The following ANKIB1 variants were observed in gnomAD, a reference collection of about 807,000 sequenced individuals.
ANKIB1 encodes the protein ankyrin repeat and IBR domain containing 1.
ANKIB1 carries 43 observed loss-of-function variants against 122.1 expected under a neutral mutation model. That is an observed-to-expected ratio of 0.35 (90% confidence interval 0.28 to 0.45). The LOEUF (loss-of-function observed/expected upper bound fraction) is 0.45. ANKIB1 is among the 20% of genes least tolerant of loss of function. The probability of loss-of-function intolerance (pLI) is 1.00; values close to 1 mark genes in which losing one functional copy is unlikely to be tolerated. For missense variants in ANKIB1, 992 were observed against 1,329.5 expected (o/e 0.75, Z 3.95); for synonymous variants, 390 against 442.0 (o/e 0.88, Z 1.48).
chr7:92,387,532 A>G (rs1394134146), intron 12 of ANKIB1, among the ~76,000 whole-genome samples: 2 of 152,054 alleles, frequency 1.3e-5, no homozygotes, highest in Non-Finnish European at 2.9e-5. Context: ...GCTACTCAGG[A>G]GGCTGAGACA....
chr7:92,295,734 A>C (rs895265558), intron 2 of ANKIB1, among the ~76,000 whole-genome samples: 1 of 152,200 alleles, frequency 6.6e-6, no homozygotes, highest in African/African-American at 2.4e-5. Flanking sequence ...CATTTTCTTA[A>C]AACTGAAAAT....
intron 3 of ANKIB1, among the ~76,000 whole-genome samples, chr7:92,311,361 G>A (rs1297382698): frequency 6.6e-6 from 1 of 152,120 alleles, no homozygotes; most frequent in Admixed American, 6.6e-5. Flanking sequence ...GGTTGGAATA[G>A]ATGATCTCAA....
chr7:92,296,799 T>C (rs1802366289), intron 2 of ANKIB1, among the ~76,000 whole-genome samples: 2 of 152,188 alleles, frequency 1.3e-5, no homozygotes, highest in Admixed American at 6.5e-5. Context: ...ATTTTTATTA[T>C]CAGAATTTAT....
chr7:92,292,001 G>A (rs754071535), intron 1 of ANKIB1, among the ~76,000 whole-genome samples: 42 of 152,050 alleles, frequency 2.8e-4, no homozygotes, highest in African/African-American at 9.7e-4. Flanking sequence ...AATTCTTTTC[G>A]CCTGTTTGGT....
Position 92,352,611 on chromosome 7 carries a change from G to A in ANKIB1, c.1366G>A (p.Val456Ile). Reference sequence around the variant, plus strand: ...CTTCCCATTGCTGAGAGCTCCTGCTGTTGATTGTGGAAAAGGACACCTCTT... The same window carrying A: ...CTTCCCATTGCTGAGAGCTCCTGCTATTGATTGTGGAAAAGGACACCTCTT... ...LSFPLLRAPAVDCGKGHLFCW... is the reference protein window; with the variant it reads ...LSFPLLRAPAIDCGKGHLFCW... The change falls in exon 9 of 20, where the codon GTT becomes ATT. Residue 456 changes from valine (V) to isoleucine (I), a missense_variant. Around this residue, in one of 4 missense-constraint regions of ANKIB1, gnomAD observed 521 missense variants for 777.7 expected, o/e 0.67. Transcript: ENST00000265742. The A allele has an allele frequency of 1.9e-6, 3 of 1,611,526 alleles. No homozygotes were observed. Among genetic ancestry groups the A allele is most frequent in the Non-Finnish European group, 2.5e-6 (3 of 1,179,374 alleles).
chr7:92,376,801 C>A (rs1019977729), intron 11 of ANKIB1, among the ~76,000 whole-genome samples: 5 of 152,106 alleles, frequency 3.3e-5, no homozygotes, highest in African/African-American at 9.7e-5. Context: ...ACCTCATGAA[C>A]CAATGTTGGC....
chr7:92,253,785 T>C (rs952183849), intron 1 of ANKIB1, among the ~76,000 whole-genome samples: 3 of 152,174 alleles, frequency 2.0e-5, no homozygotes, highest in African/African-American at 7.2e-5. Context: ...CACACACCTG[T>C]ACCTGCCTAC....
intron 5 of ANKIB1, among the ~76,000 whole-genome samples, chr7:92,330,159 C>A (rs1203170535): frequency 1.3e-5 from 2 of 152,126 alleles, no homozygotes; most frequent in Non-Finnish European, 2.9e-5. Flanking sequence ...TCAGTTGGGA[C>A]CCATATAATG....
Position 92,361,376 on chromosome 7 carries a change from C to T in ANKIB1, c.1398-809C>T, listed in dbSNP as rs112671222. 1.3e-3 allele frequency among the ~76,000 whole-genome samples: 204 copies of T among 152,240 alleles called. 1 individual carries two copies. Among genetic ancestry groups the T allele is most frequent in the Admixed American group, 1.1e-3 (17 of 15,294 alleles). On this transcript the variant is annotated intron_variant, in intron 9 of 19. Coordinates refer to ENST00000265742, the MANE Select transcript of ANKIB1 (RefSeq NM_019004.2). ...GGAGATGCAGAGGTAAAAGTAACTA[C>T]AGTAATTCAACTTAAAACAGTGTTT...
intron 1 of ANKIB1, among the ~76,000 whole-genome samples, chr7:92,284,180 G>A (rs926343102): frequency 4.6e-5 from 7 of 152,144 alleles, no homozygotes; most frequent in Non-Finnish European, 8.8e-5. Context: ...CTCAAGCAGA[G>A]TTTTTTTGTT....
intron 11 of ANKIB1, among the ~76,000 whole-genome samples, chr7:92,373,831 T>A (rs1804324268): frequency 6.6e-6 from 1 of 150,448 alleles, no homozygotes; most frequent in African/African-American, 2.4e-5. Context: ...TTTCTTCCCC[T>A]AAAAATAAGC....
rs768007958 is a variant in ANKIB1 at position 92,246,470 on chromosome 7, T to C, written c.-140T>C. The C allele has an allele frequency of 3.9e-6, 2 of 518,242 alleles. No homozygotes were observed. The highest frequency in any genetic ancestry group is 1.1e-4 in the East Asian group (2 of 18,334). The allele number at this position is 518,242 out of a possible 1,614,324, so 32.1% of individuals were successfully genotyped here. On this transcript the variant is annotated 5_prime_UTR_variant, in exon 1 of 20. Coordinates refer to ENST00000265742, the MANE Select transcript of ANKIB1 (RefSeq NM_019004.2). Reference sequence around the variant, plus strand: ...GAGGCAGGGGCGGCGGAGGCGGAACTGCGGAGTTGCTGGGTCCACCGACCC... The same window carrying C: ...GAGGCAGGGGCGGCGGAGGCGGAACCGCGGAGTTGCTGGGTCCACCGACCC...
chr7:92,356,111 T>C (rs1274829339), intron 9 of ANKIB1, among the ~76,000 whole-genome samples: 3 of 152,148 alleles, frequency 2.0e-5, no homozygotes, highest in Non-Finnish European at 4.4e-5. Flanking sequence ...TGAGTACTTT[T>C]TTCTCCAACA....
intron 10 of ANKIB1, among the ~76,000 whole-genome samples, chr7:92,366,802 C>T (rs1804095892): frequency 6.6e-6 from 1 of 152,208 alleles, no homozygotes; most frequent in Non-Finnish European, 1.5e-5. Flanking sequence ...ACAAAAATGT[C>T]CTGCCACACA....
At chr7:92,343,949 A>C (rs1308161387) in intron 6 of ANKIB1, among the ~76,000 whole-genome samples, 1 of 152,112 alleles carries the variant, frequency 6.6e-6, no homozygotes, top group East Asian at 1.9e-4. Context: ...AGGAGATTTT[A>C]ATATTTCTTG....
At chr7:92,377,497 C>T (rs1804409555) in intron 11 of ANKIB1, among the ~76,000 whole-genome samples, 1 of 152,086 alleles carries the variant, frequency 6.6e-6, no homozygotes, top group Non-Finnish European at 1.5e-5. Context: ...GAGCAGTGAG[C>T]ACATGCTGTT....
intron 2 of ANKIB1, among the ~76,000 whole-genome samples, chr7:92,300,996 G>C (rs1456952547): frequency 6.6e-6 from 1 of 152,026 alleles, no homozygotes; most frequent in Non-Finnish European, 1.5e-5. Flanking sequence ...ATATCCTCTA[G>C]GTTCATCTAT....
At chr7:92,305,959 A>G (rs1802550092) in intron 2 of ANKIB1, among the ~76,000 whole-genome samples, 1 of 152,112 alleles carries the variant, frequency 6.6e-6, no homozygotes, top group Non-Finnish European at 1.5e-5. Flanking sequence ...AAACCGAGAG[A>G]TGCTAGTCTT....
chr7:92,262,301 G>C (rs1801582072), intron 1 of ANKIB1, among the ~76,000 whole-genome samples: 2 of 152,174 alleles, frequency 1.3e-5, no homozygotes, highest in African/African-American at 4.8e-5. Context: ...TCCAAGCCAG[G>C]ACTTGAATGT....
Sources: gnomAD v4.1 joint callset for allele counts (sites outside exome capture counted in the v4.1 genomes callset) on GRCh38, gnomAD v4.1.1 for gene constraint, gnomAD v4.1.1 regional missense constraint, MANE v1.5 for transcripts, NCBI Gene and HGNC (gene_info 2026-07-23, HGNC 2026-07-21) for gene names.